CA6: variants seen among roughly 807,000 people sequenced by gnomAD.
CA6 encodes carbonic anhydrase 6.
CA6 carries 28 observed loss-of-function variants against 35.9 expected under a neutral mutation model. That is an observed-to-expected ratio of 0.78 (90% CI 0.58 to 1.07). The LOEUF (loss-of-function observed/expected upper bound fraction) is 1.07. Among genes scored for constraint, CA6 ranks in the 50% least tolerant of loss-of-function variants. The pLI is 0.00. For synonymous variants in CA6, 148 were observed against 152.6 expected, an observed-to-expected ratio of 0.97 and a Z score of 0.22; for missense variants, 377 against 382.0, an observed-to-expected ratio of 0.99 and a Z score of 0.11.
chr1:8,966,447 C>T (rs953659636), intron 5 of CA6, among the ~76,000 whole-genome samples: 4 of 152,190 alleles, frequency 2.6e-5, no homozygotes, highest in Non-Finnish European at 5.9e-5. Context: ...TACCATTTTC[C>T]GTGGTGGCTG....
intron 4 of CA6, among the ~76,000 whole-genome samples, chr1:8,960,806 TC>T (rs1639822970): frequency 1.4e-5 from 1 of 71,844 alleles, no homozygotes; most frequent in African/African-American, 6.3e-5. Flanking sequence ...ATAATGGGAG[TC>T]CCAGAAGGAA....
At chr1:8,947,038 A>G (rs1169738238) in intron 1 of CA6, among the ~76,000 whole-genome samples, 1 of 151,944 alleles carries the variant, frequency 6.6e-6, no homozygotes, top group Admixed American at 6.6e-5. Context: ...TTCTGACCTC[A>G]AGTGATCCGC....
intron 1 of CA6, among the ~76,000 whole-genome samples, chr1:8,946,319 A>ACCATGCCCAGTCAGG (rs1557616800): frequency 2.0e-5 from 3 of 152,176 alleles, no homozygotes; most frequent in African/African-American, 7.2e-5. Flanking sequence ...GGCATGAGCC[A>ACCATGCCCAGTCAGG]TTGCGCCCGG....
At chr1:8,970,662 C>A (rs921263999) in intron 6 of CA6, among the ~76,000 whole-genome samples, 12 of 152,014 alleles carry the variant, frequency 7.9e-5, no homozygotes, top group Admixed American at 3.3e-4. Context: ...GTGCACACAA[C>A]CATGATCAGC....
chr1:8,961,636 C>T (rs1295819256), intron 4 of CA6, among the ~76,000 whole-genome samples: 3 of 152,162 alleles, frequency 2.0e-5, no homozygotes, highest in Admixed American at 6.5e-5. Flanking sequence ...AAAAAAGGCA[C>T]GAGACATCTA....
At chr1:8,972,127 A>G (rs1385802805) in intron 7 of CA6, among the ~76,000 whole-genome samples, 2 of 152,004 alleles carry the variant, frequency 1.3e-5, no homozygotes, top group Non-Finnish European at 2.9e-5. Context: ...GGCTCACTGC[A>G]GCCTCAAACA....
chr1:8,950,859 G>T (rs375971057), intron 2 of CA6, among the ~76,000 whole-genome samples: 1 of 149,478 alleles, frequency 6.7e-6, no homozygotes, highest in East Asian at 2.0e-4. Context: ...GAGCGAGACC[G>T]TTTCTTTAAA....
chr1:8,955,764 C>T lies in CA6; in HGVS notation c.260-1373C>T, dbSNP rs984718123. On this transcript the variant is annotated intron_variant, in intron 2 of 7. Coordinates refer to ENST00000377443, the MANE Select transcript of CA6 (RefSeq NM_001215.4). ...AACAGCCGGTGAAAACCTTTCAGGC[C>T]GGATTACTGCATTATAGCACATTAC... Among the ~76,000 whole-genome samples the T allele has an allele frequency of 4.0e-5, 6 of 149,872 alleles. No individual in the cohort carries two copies. The South Asian group carries it at 6.3e-4, about 16-fold the overall frequency.
intron 1 of CA6, among the ~76,000 whole-genome samples, chr1:8,948,208 C>T (rs1268462908): frequency 1.3e-5 from 2 of 152,084 alleles, no homozygotes; most frequent in Non-Finnish European, 2.9e-5. Flanking sequence ...GAACAGGGAA[C>T]AGAGGTGGGA....
At chr1:8,966,004 C>T (rs114157194) in intron 5 of CA6, among the ~76,000 whole-genome samples, 1,549 of 152,150 alleles carry the variant, frequency 0.01, 29 homozygotes, top group South Asian at 0.064. Flanking sequence ...TGTGAGGTAA[C>T]GCTGCTATGA....
intron 4 of CA6, among the ~76,000 whole-genome samples, chr1:8,961,615 A>C (rs1639844627): frequency 1.3e-5 from 2 of 152,212 alleles, no homozygotes; most frequent in Admixed American, 6.5e-5. Context: ...GTAAAGGTGG[A>C]CCAATGCAAC....
intron 7 of CA6, among the ~76,000 whole-genome samples, chr1:8,972,870 G>A (rs772752941): frequency 2.8e-4 from 43 of 151,984 alleles, no homozygotes; most frequent in Admixed American, 1.8e-3. Context: ...ACTAACAGAA[G>A]AAAAAAACTG....
intron 6 of CA6, among the ~76,000 whole-genome samples, chr1:8,969,538 G>C (rs970989367): frequency 1.3e-5 from 2 of 151,950 alleles, no homozygotes; most frequent in East Asian, 3.9e-4. Flanking sequence ...GTAGGGAAGA[G>C]GCATGATTTG....
intron 6 of CA6, among the ~76,000 whole-genome samples, chr1:8,970,350 T>G (rs1640076417): frequency 6.6e-6 from 1 of 152,236 alleles, no homozygotes; most frequent in Admixed American, 6.6e-5. Flanking sequence ...AAAAGAGAGC[T>G]TGTGTGCAGA....
chr1:8,949,202 G>A, intron 1 of CA6, 61 bp from the exon 2 acceptor site: 1 of 1,351,452 alleles, frequency 7.4e-7, no homozygotes, highest in African/African-American at 1.5e-5. Flanking sequence ...CTGGCCTGGT[G>A]AGGTTCCTCC....
At chr1:8,967,893 C>A in intron 6 of CA6, 77 bp downstream of exon 6, 3 of 1,375,118 alleles carry the variant, frequency 2.2e-6, no homozygotes, top group Non-Finnish European at 3.0e-6. Flanking sequence ...AGCATCTCAA[C>A]GAACGTCAAC....
chr1:8,974,658 A>G lies in CA6; in HGVS notation c.881A>G (p.His294Arg), dbSNP rs61749464. Reference protein sequence around the residue: ...TLGSEFQFYLHKIEEILDYLR... With the variant: ...TLGSEFQFYLRKIEEILDYLR... ...GGCTCTGAATTCCAGTTTTACCTAC[A>G]TAAGATTGAGGAAATTCTTGACTAC... The change falls in exon 8 of 8, where the codon CAT becomes CGT. Residue 294 changes from histidine (H) to arginine (R), a missense_variant. By Grantham distance (29) the His-to-Arg change is conservative (BLOSUM62 0). Transcript: ENST00000377443. 99 of 1,606,074 alleles carry G rather than the reference A, an allele frequency of 6.2e-5. No homozygotes were observed. The African/African-American group carries it at 1.1e-3, about 18-fold the overall frequency.
rs1214798654 is a variant in CA6 at position 8,974,607 on chromosome 1, C to T, written c.845-15C>T. ...ACAAGGTTTAACCATTTCCGACTAA[C>T]TCTTCTTTTTACAGAATACACTCTA... On this transcript the variant is annotated splice_polypyrimidine_tract_variant and intron_variant, in intron 7 of 7. Coordinates refer to ENST00000377443, the MANE Select transcript of CA6 (RefSeq NM_001215.4). 2.5e-6 allele frequency: 4 copies of T among 1,582,564 alleles called. No individual in the cohort carries two copies. Among genetic ancestry groups the T allele is most frequent in the African/African-American group, 2.7e-5 (2 of 74,238 alleles).
intron 4 of CA6, 98 bp from the exon 5 acceptor site, chr1:8,962,489 C>A: frequency 1.0e-6 from 1 of 1,001,794 alleles, no homozygotes; most frequent in Non-Finnish European, 1.6e-6. Context: ...ACTCTCTAGG[C>A]TCGGCCCAAT....
Sources: allele counts gnomAD v4.1 joint callset (sites outside exome capture counted in the v4.1 genomes callset), GRCh38; gene constraint gnomAD v4.1.1; transcripts MANE v1.5; gene names NCBI Gene and HGNC (gene_info 2026-07-23, HGNC 2026-07-21).